The following NNT variants were observed in gnomAD, a reference collection of about 807,000 sequenced individuals.
The protein encoded by NNT is NAD(P) transhydrogenase, mitochondrial.
In NNT, 50 loss-of-function variants were observed where a neutral mutation model predicts 104.8. That is an observed-to-expected ratio of 0.48 (90% CI 0.38 to 0.60). The LOEUF (loss-of-function observed/expected upper bound fraction) is 0.60. Among genes scored for constraint, NNT ranks in the 20% least tolerant of loss-of-function variants. The probability of loss-of-function intolerance (pLI) is 0.00; values close to 1 mark genes in which losing one functional copy is unlikely to be tolerated. For missense variants in NNT, 1,131 were observed against 1,330.7 expected, an observed-to-expected ratio of 0.85 and a Z score of 2.33; for synonymous variants, 461 against 490.4, an observed-to-expected ratio of 0.94 and a Z score of 0.79.
At chr5:43,671,787 T>A (rs1580086681) in intron 17 of NNT, among the ~76,000 whole-genome samples, 1 of 152,296 alleles carries the variant, frequency 6.6e-6, no homozygotes, top group East Asian at 1.9e-4. Flanking sequence ...TTGAGGAGTA[T>A]CTCTGTGGTA....
chr5:43,649,656 T>A (rs1004965650), intron 11 of NNT, among the ~76,000 whole-genome samples: 1 of 151,640 alleles, frequency 6.6e-6, no homozygotes, highest in Admixed American at 6.6e-5. Context: ...AGCTGCAACA[T>A]CCTATAGGGC....
intron 17 of NNT, among the ~76,000 whole-genome samples, chr5:43,667,571 T>A (rs1207510248): frequency 6.6e-6 from 1 of 152,224 alleles, no homozygotes; most frequent in Non-Finnish European, 1.5e-5. Context: ...TCCAGCTTTA[T>A]CCATGTCCCT....
At chr5:43,635,573 C>T (rs1750889951) in intron 7 of NNT, among the ~76,000 whole-genome samples, 1 of 152,152 alleles carries the variant, frequency 6.6e-6, no homozygotes, top group South Asian at 2.1e-4. Flanking sequence ...GACCTAGTGG[C>T]TTAACCAACA....
chr5:43,633,463 T>C (rs1750785754), intron 7 of NNT, among the ~76,000 whole-genome samples: 1 of 152,252 alleles, frequency 6.6e-6, no homozygotes, highest in Admixed American at 6.5e-5. Context: ...CCCTGCTTTT[T>C]GAAATCCTAC....
At chr5:43,623,584 C>G (rs186961063) in intron 5 of NNT, among the ~76,000 whole-genome samples, 103 of 152,112 alleles carry the variant, frequency 6.8e-4, no homozygotes, top group African/African-American at 2.2e-3. Flanking sequence ...AATGTTGTAC[C>G]CATCTTTGAA....
chr5:43,666,728 C>G (rs1321349475), intron 17 of NNT: 1 of 1,165,436 alleles, frequency 8.6e-7, no homozygotes, highest in African/African-American at 1.5e-5. Context: ...GGTGGGGGGT[C>G]GCACCAGTCC....
intron 7 of NNT, among the ~76,000 whole-genome samples, chr5:43,641,060 G>A (rs1279981419): frequency 6.6e-6 from 1 of 151,680 alleles, no homozygotes; most frequent in African/African-American, 2.4e-5. Flanking sequence ...TATGGTATTA[G>A]GTTTGGGTAG....
At chr5:43,661,009 A>G (rs542831267) in intron 17 of NNT, among the ~76,000 whole-genome samples, 1 of 152,310 alleles carries the variant, frequency 6.6e-6, no homozygotes, top group East Asian at 1.9e-4. Context: ...TGAAAATCTC[A>G]TTGTAATTTG....
chr5:43,626,836 T>A (rs1246953387), intron 6 of NNT, among the ~76,000 whole-genome samples: 1 of 150,876 alleles, frequency 6.6e-6, no homozygotes, highest in Admixed American at 6.6e-5. Context: ...TATGTCTGTG[T>A]ATACACACAT....
chr5:43,655,715 G>A, intron 14 of NNT, 125 bp from the exon 15 acceptor site: 1 of 691,626 alleles, frequency 1.4e-6, no homozygotes, highest in South Asian at 1.8e-5. Context: ...AGAATATTTA[G>A]CCCGTACTAG....
At chr5:43,698,188 GA>G (rs1465750954) in intron 19 of NNT, among the ~76,000 whole-genome samples, 1 of 151,350 alleles carries the variant, frequency 6.6e-6, no homozygotes, top group Non-Finnish European at 1.5e-5. Context: ...TATTAAGACT[GA>G]ATATATTAAT....
chr5:43,684,502 C>CT (rs1741881657), intron 19 of NNT, among the ~76,000 whole-genome samples: 2 of 152,054 alleles, frequency 1.3e-5, no homozygotes, highest in South Asian at 4.1e-4. Context: ...GATGTTGACT[C>CT]TACAACCCAT....
intron 4 of NNT, among the ~76,000 whole-genome samples, chr5:43,616,503 A>T (rs1157563829): frequency 6.6e-6 from 1 of 152,188 alleles, no homozygotes; most frequent in African/African-American, 2.4e-5. Context: ...TGCTTAGGTA[A>T]ATTTATAAAA....
rs543924354 is a variant in NNT, at chr5:43,628,620, C to G, written c.964+233C>G. 1.1e-4 allele frequency among the ~76,000 whole-genome samples: 17 copies of G among 151,954 alleles called. No individual in the cohort carries two copies. In the South Asian group the frequency reaches 3.5e-3, roughly 32 times the overall value. On this transcript the variant is annotated intron_variant, in intron 7 of 21. Coordinates refer to ENST00000344920, the MANE Select transcript of NNT (RefSeq NM_182977.3). ...TTTTTTTTTGAGATGAAGTCTTGCT[C>G]TTGTTGCCCAGGCTGGAGTGCGGTG...
chr5:43,690,646 C>T (rs899262424), intron 19 of NNT, among the ~76,000 whole-genome samples: 1 of 152,200 alleles, frequency 6.6e-6, no homozygotes, highest in African/African-American at 2.4e-5. Flanking sequence ...CTGCTTCTTG[C>T]TCTTACTAGT....
rs145892576 is a variant in NNT, at chr5:43,674,154, T to C, written c.2635-1357T>C. 2.7e-3 allele frequency among the ~76,000 whole-genome samples: 408 copies of C among 151,834 alleles called. 2 individuals are homozygous for C. The highest frequency in any genetic ancestry group is 4.8e-3 in the Non-Finnish European group (328 of 67,826). On this transcript the variant is annotated intron_variant, in intron 17 of 21. Transcript: ENST00000344920. ...TTGTCAGACTTTGGGCTCTGTAAAA[T>C]GTCAATGTTGTGTCTGATAAACGAG...
At chr5:43,607,233 T>G (rs940748474) in intron 1 of NNT, among the ~76,000 whole-genome samples, 1 of 152,196 alleles carries the variant, frequency 6.6e-6, no homozygotes. Flanking sequence ...CCAGATGGCC[T>G]GAAGCAACTG....
intron 10 of NNT, among the ~76,000 whole-genome samples, chr5:43,646,314 CT>C (rs896694774): frequency 1.3e-5 from 2 of 151,990 alleles, no homozygotes; most frequent in African/African-American, 4.8e-5. Flanking sequence ...GAGACAGAAT[CT>C]TTTTTTGTTG....
intron 5 of NNT, among the ~76,000 whole-genome samples, chr5:43,623,042 C>T (rs1277085102): frequency 6.6e-6 from 1 of 151,816 alleles, no homozygotes; most frequent in Non-Finnish European, 1.5e-5. Context: ...TCCCTCTGGT[C>T]ACTCTTTGCC....
Sources: allele counts gnomAD v4.1 joint callset (sites outside exome capture counted in the v4.1 genomes callset), GRCh38; gene constraint gnomAD v4.1.1; transcripts MANE v1.5; gene names NCBI Gene and HGNC (gene_info 2026-07-23, HGNC 2026-07-21).